GSR: variants seen among roughly 807,000 people sequenced by gnomAD.
GSR encodes the protein glutathione-disulfide reductase.
A neutral mutation model predicts 56.5 loss-of-function variants in GSR; 48 were observed. The ratio of observed to expected loss-of-function variants is 0.85; its 90% CI spans 0.67 to 1.08. The LOEUF is 1.08. Ranked by LOEUF, GSR falls within the 50% of genes least tolerant of loss-of-function variation. The probability of loss-of-function intolerance (pLI) is 0.00; values close to 1 mark genes in which losing one functional copy is unlikely to be tolerated. For missense variants in GSR, 694 were observed against 703.3 expected (o/e 0.99, Z 0.15); for synonymous variants, 264 against 270.8 (o/e 0.97, Z 0.25).
intron 9 of GSR, among the ~76,000 whole-genome samples, chr8:30,686,906 G>A (rs1047782223): frequency 1.6e-4 from 24 of 150,262 alleles, no homozygotes; most frequent in Admixed American, 4.0e-4. Flanking sequence ...GCGTGATCTC[G>A]GCTCACTGCA....
intron 2 of GSR, among the ~76,000 whole-genome samples, chr8:30,711,431 G>A (rs1029811496): frequency 1.3e-5 from 2 of 152,092 alleles, no homozygotes; most frequent in African/African-American, 2.4e-5. Context: ...AATCACTAAT[G>A]TGATACAGAA....
In GSR at chr8:30,727,406, G is replaced by A. The variant is rs2251780; in HGVS notation, c.306+124C>T. On this transcript the variant is annotated intron_variant, in intron 1 of 12. Transcript: ENST00000221130. ...TCCTGGCTTCGGAATGGGGAGTTGCGGGGGTGGAAAAGAGGAAAGCCCAGC... is the reference window on the plus strand; with the variant it reads ...TCCTGGCTTCGGAATGGGGAGTTGCAGGGGTGGAAAAGAGGAAAGCCCAGC... The A allele has an allele frequency of 0.18, 167,525 of 931,240 alleles. 16,435 individuals carry two copies. The highest frequency in any genetic ancestry group is 0.29 in the South Asian group (18,886 of 64,632). 57.7% of individuals were successfully genotyped at this position (931,240 alleles called of 1,614,324 possible).
At chr8:30,727,394 A>G in intron 1 of GSR, 136 bp downstream of exon 1, 1 of 844,434 alleles carries the variant, frequency 1.2e-6, no homozygotes, top group Non-Finnish European at 1.8e-6. Flanking sequence ...TGGCTTCGGA[A>G]TGGGGAGTTG....
In GSR at chr8:30,723,883, C is replaced by T. The variant is rs117830967; in HGVS notation, c.306+3647G>A. Among the ~76,000 whole-genome samples the T allele has an allele frequency of 3.6e-4, 55 of 152,146 alleles. No individual in the cohort carries two copies. In the East Asian group the frequency reaches 6.9e-3, roughly 19 times the overall value. ...AACAATGGCCTCCCATAAACTTTAACGGTTGAACAATTAAATGAAGGAACA... is the reference window on the plus strand; with the variant it reads ...AACAATGGCCTCCCATAAACTTTAATGGTTGAACAATTAAATGAAGGAACA... On this transcript the variant is annotated intron_variant, in intron 1 of 12. Transcript: ENST00000221130.
chr8:30,720,530 T>C (rs1804497483), intron 1 of GSR, among the ~76,000 whole-genome samples: 2 of 152,184 alleles, frequency 1.3e-5, no homozygotes, highest in Admixed American at 6.6e-5. Flanking sequence ...ACACCAACCA[T>C]GACTAAATAT....
chr8:30,679,235 G>T lies in GSR; in HGVS notation c.*285C>A. On this transcript the variant is annotated 3_prime_UTR_variant, in exon 13 of 13. Coordinates refer to ENST00000221130, the MANE Select transcript of GSR (RefSeq NM_000637.5). ...CTTCACAAAGCTTTATATTTGGGAT[G>T]AGGCTAAAACAGAAAAAAAAAACTA... is the stretch of plus-strand genomic sequence containing the variant. The T allele has an allele frequency of 2.5e-6, 1 of 397,898 alleles. No homozygotes were observed. 24.6% of individuals were successfully genotyped at this position (397,898 alleles called of 1,614,324 possible).
chr8:30,727,725 C>T lies in GSR; in HGVS notation c.111G>A (p.Thr37=), dbSNP rs1024631652. 4 of 1,406,042 alleles carry T rather than the reference C, an allele frequency of 2.8e-6. No individual in the cohort carries two copies. Among genetic ancestry groups the T allele is most frequent in the Non-Finnish European group, 3.7e-6 (4 of 1,084,958 alleles). 87.1% of individuals were successfully genotyped at this position (1,406,042 alleles called of 1,614,324 possible). A position where few individuals can be genotyped will look rare whatever the true frequency, so the allele number is the denominator to read the frequency against. ...LLLLPEPAAL[T]RALSRAMACR... is the part of the protein sequence containing the mutation. ...AGGCCATGGCACGGGAGAGGGCGCG[C>T]GTGAGGGCCGCGGGCTCGGGCAGAA... Residue 37 remains threonine, a synonymous_variant, in exon 1 of 13, where the codon ACG becomes ACA. Coordinates refer to ENST00000221130, the MANE Select transcript of GSR (RefSeq NM_000637.5).
intron 2 of GSR, among the ~76,000 whole-genome samples, chr8:30,711,569 T>A (rs1220246000): frequency 6.6e-6 from 1 of 152,168 alleles, no homozygotes. Context: ...CTGTGGCTCA[T>A]GCCTATAATC....
At chr8:30,694,853 G>C (rs1054852557) in intron 7 of GSR, among the ~76,000 whole-genome samples, 2 of 146,774 alleles carry the variant, frequency 1.4e-5, no homozygotes, top group Admixed American at 7.0e-5. Context: ...GAGCCATGAT[G>C]TGCCACCGCA....
At chr8:30,703,815 G>C (rs1803830466) in intron 4 of GSR, among the ~76,000 whole-genome samples, 1 of 150,620 alleles carries the variant, frequency 6.6e-6, no homozygotes, top group South Asian at 2.1e-4. Context: ...AGGAGAAGAG[G>C]GAGGAGGAGG....
At chr8:30,707,769 A>G (rs1803964346) in intron 4 of GSR, among the ~76,000 whole-genome samples, 1 of 152,174 alleles carries the variant, frequency 6.6e-6, no homozygotes, top group African/African-American at 2.4e-5. Flanking sequence ...AGCCTGGCCA[A>G]CATGGTGAAA....
rs931534610 is a variant in GSR at position 30,678,798 on chromosome 8, T to C, written c.*722A>G. Reference sequence around the variant, plus strand: ...AGAGCACAGTACTGGCTTCAAAAAATATATAAAGGTTCTGTGCACTGGCAC... The same window carrying C: ...AGAGCACAGTACTGGCTTCAAAAAACATATAAAGGTTCTGTGCACTGGCAC... On this transcript the variant is annotated 3_prime_UTR_variant, in exon 13 of 13. Transcript: ENST00000221130. 6.6e-6 allele frequency: 1 copy of C among 152,188 alleles called. No homozygotes were observed. The highest frequency in any genetic ancestry group is 2.4e-5 in the African/African-American group (1 of 41,428). 9.4% of individuals were successfully genotyped at this position (152,188 alleles called of 1,614,324 possible).
chr8:30,712,309 C>A (rs75212168), intron 1 of GSR, among the ~76,000 whole-genome samples: 1 of 152,030 alleles, frequency 6.6e-6, no homozygotes, highest in African/African-American at 2.4e-5. Flanking sequence ...TTTTCTTGGA[C>A]GGAGAAAGAA....
intron 12 of GSR, among the ~76,000 whole-genome samples, chr8:30,679,896 G>A (rs1563523803): frequency 6.6e-6 from 1 of 151,616 alleles, no homozygotes; most frequent in African/African-American, 2.4e-5. Context: ...GCAGAGAGAG[G>A]GTTTCACCAT....
intron 5 of GSR, among the ~76,000 whole-genome samples, chr8:30,701,302 C>A (rs1225631321): frequency 6.6e-6 from 1 of 151,976 alleles, no homozygotes; most frequent in African/African-American, 2.4e-5. Flanking sequence ...CCCGTCTCTA[C>A]TAAAAATACA....
intron 11 of GSR, 145 bp downstream of exon 11, chr8:30,681,785 T>C (rs1802968622): frequency 8.0e-6 from 6 of 747,128 alleles, no homozygotes; most frequent in Non-Finnish European, 1.4e-5. Context: ...GGGAGAAAAC[T>C]GGAACTGTGA....
At chr8:30,699,215 C>A (rs1490179782) in intron 6 of GSR, among the ~76,000 whole-genome samples, 7 of 151,914 alleles carry the variant, frequency 4.6e-5, no homozygotes, top group African/African-American at 1.5e-4. Flanking sequence ...TGCTTGAGCC[C>A]AAGAGCTCAA....
intron 1 of GSR, among the ~76,000 whole-genome samples, chr8:30,724,171 A>G (rs971329816): frequency 2.0e-5 from 3 of 152,200 alleles, no homozygotes; most frequent in African/African-American, 4.8e-5. Context: ...CAGGAGTTCA[A>G]TACCAGCCTA....
At chr8:30,692,551 G>A (rs546353413) in intron 8 of GSR, among the ~76,000 whole-genome samples, 13 of 139,572 alleles carry the variant, frequency 9.3e-5, no homozygotes, top group South Asian at 6.9e-4. Context: ...GCCCAGGCTG[G>A]AGTGCAGTGG....
Sources: gnomAD v4.1 joint callset for allele counts (sites outside exome capture counted in the v4.1 genomes callset) on GRCh38, gnomAD v4.1.1 for gene constraint, MANE v1.5 for transcripts, NCBI Gene and HGNC (gene_info 2026-07-23, HGNC 2026-07-21) for gene names.